The following CAMTA1 variants were observed in gnomAD, a reference collection of about 807,000 sequenced individuals.
The protein encoded by CAMTA1 is calmodulin-binding transcription activator 1.
In CAMTA1, 27 loss-of-function variants were observed where a neutral mutation model predicts 170.9. That is an observed-to-expected ratio of 0.16 (90% CI 0.12 to 0.22). The LOEUF (loss-of-function observed/expected upper bound fraction) is 0.22. Among genes scored for constraint, CAMTA1 ranks in the 10% least tolerant of loss-of-function variants. The pLI is 1.00. For synonymous variants in CAMTA1, 833 were observed against 891.5 expected (o/e 0.93, Z 1.17); for missense variants, 1,619 against 2,217.2 (o/e 0.73, Z 5.42).
intron 4 of CAMTA1, among the ~76,000 whole-genome samples, chr1:7,185,249 G>A (rs553623961): frequency 7.2e-5 from 11 of 152,284 alleles, no homozygotes; most frequent in African/African-American, 2.4e-4. Flanking sequence ...AGGCAATGAT[G>A]TCTCAGTAGT....
intron 5 of CAMTA1, among the ~76,000 whole-genome samples, chr1:7,371,543 A>G (rs1234690078): frequency 2.0e-5 from 3 of 152,206 alleles, no homozygotes; most frequent in Non-Finnish European, 4.4e-5. Context: ...TACAGGCATG[A>G]GCCACCATGC....
intron 6 of CAMTA1, among the ~76,000 whole-genome samples, chr1:7,612,223 G>A (rs1485897255): frequency 6.6e-6 from 1 of 152,194 alleles, no homozygotes; most frequent in Admixed American, 6.5e-5. Context: ...GTGGGGATTT[G>A]ATTGAGTGGT....
At chr1:7,579,405 C>T (rs994319668) in intron 6 of CAMTA1, among the ~76,000 whole-genome samples, 1 of 152,158 alleles carries the variant, frequency 6.6e-6, no homozygotes, top group East Asian at 1.9e-4. Context: ...CTCATGACAG[C>T]CCTCAGGTGC....
chr1:7,765,809 G>A (rs1309744617), intron 22 of CAMTA1, among the ~76,000 whole-genome samples: 2 of 152,094 alleles, frequency 1.3e-5, no homozygotes, highest in African/African-American at 2.4e-5. Flanking sequence ...GGCGGATCAC[G>A]AGGTCAGGAG....
In CAMTA1 at chr1:6,794,960, A is replaced by G. The variant is rs888105700; in HGVS notation, c.45+9385A>G. ...AAAATTCAGGAGCTTTCTTCTGGTC[A>G]CTGAGTTCCACCCCATATTATTCAG... On this transcript the variant is annotated intron_variant, in intron 1 of 22. Transcript: ENST00000303635. Among the ~76,000 whole-genome samples the G allele has an allele frequency of 4.7e-5, 7 of 147,472 alleles. No homozygotes were observed. The East Asian group carries it at 1.2e-3, about 25-fold the overall frequency.
intron 4 of CAMTA1, among the ~76,000 whole-genome samples, chr1:7,231,024 G>A (rs1662694435): frequency 6.6e-6 from 1 of 152,136 alleles, no homozygotes; most frequent in Non-Finnish European, 1.5e-5. Context: ...TGCATCCAAG[G>A]TGGAAGGAGG....
At chr1:6,983,240 T>C (rs182998184) in intron 3 of CAMTA1, among the ~76,000 whole-genome samples, 136 of 152,322 alleles carry the variant, frequency 8.9e-4, no homozygotes, top group Admixed American at 2.5e-3. Context: ...CTTGGTGCCA[T>C]GGTCTTAGAA....
rs531709310 is a variant in CAMTA1 at position 7,102,513 on chromosome 1, A to T, written c.302+11142A>T. On this transcript the variant is annotated intron_variant, in intron 4 of 22. Transcript: ENST00000303635. ...CAGCTGGTGCCTAGGCCGAGGGATC[A>T]GAGAAGTCAGCCCACTGTCAGGTCT... 3.3e-5 allele frequency among the ~76,000 whole-genome samples: 5 copies of T among 152,364 alleles called. No homozygotes were observed. The East Asian group carries it at 9.6e-4, about 29-fold the overall frequency.
chr1:6,851,903 A>G (rs963106994), intron 3 of CAMTA1, among the ~76,000 whole-genome samples: 2 of 151,800 alleles, frequency 1.3e-5, no homozygotes, highest in Non-Finnish European at 2.9e-5. Context: ...AATTCCAGCC[A>G]CTTGGGAGGC....
intron 6 of CAMTA1, among the ~76,000 whole-genome samples, chr1:7,475,436 T>C (rs934188068): frequency 6.6e-6 from 1 of 152,166 alleles, no homozygotes; most frequent in African/African-American, 2.4e-5. Flanking sequence ...AGGAAGCAAG[T>C]CGCTCCCTGA....
At chr1:7,501,353 C>A (rs535224409) in intron 6 of CAMTA1, among the ~76,000 whole-genome samples, 1 of 152,158 alleles carries the variant, frequency 6.6e-6, no homozygotes, top group South Asian at 2.1e-4. Flanking sequence ...CCTTTGTTCC[C>A]GGGATCTCCG....
At position 7,641,944 on chromosome 1, in the gene CAMTA1, GC is replaced by G. The variant is rs1265763516; in HGVS notation, c.664+1398del. ...CCCAAGCTCCTGAGCACAGCCTGCA[GC>G]CCCCCCACCCGCAGCCCCCGGCCTC... is the stretch of plus-strand genomic sequence containing the variant. On this transcript the variant is annotated intron_variant, in intron 7 of 22. Coordinates refer to ENST00000303635, the MANE Select transcript of CAMTA1 (RefSeq NM_015215.4). The surrounding 1 kb of genome is among the most constrained non-coding windows in gnomAD (Gnocchi z 4.5). Among the ~76,000 whole-genome samples, 3 of 152,018 alleles carry G rather than the reference GC, an allele frequency of 2.0e-5. No individual in the cohort carries two copies. In the East Asian group the frequency reaches 5.8e-4, roughly 29 times the overall value.
At chr1:6,841,068 T>C (rs1557674507) in intron 3 of CAMTA1, among the ~76,000 whole-genome samples, 1 of 152,056 alleles carries the variant, frequency 6.6e-6, no homozygotes, top group Non-Finnish European at 1.5e-5. Context: ...CCTTCTAGAG[T>C]CTGCTTAATG....
In CAMTA1 at chr1:7,426,246, G is replaced by T. The variant is rs1207888711; in HGVS notation, c.439-41584G>T. Among the ~76,000 whole-genome samples the T allele has an allele frequency of 6.6e-6, 1 of 152,172 alleles. No homozygotes were observed. Among genetic ancestry groups the T allele is most frequent in the Non-Finnish European group, 1.5e-5 (1 of 68,036 alleles). ...ATATCCAGGTGCCCAGGGCCAGAGA[G>T]AGCTGCACGGTCCGAAGCTCAGAGC... is the stretch of plus-strand genomic sequence containing the variant. On this transcript the variant is annotated intron_variant, in intron 5 of 22. Coordinates refer to ENST00000303635, the MANE Select transcript of CAMTA1 (RefSeq NM_015215.4). The surrounding 1 kb of genome is among the most constrained non-coding windows in gnomAD (Gnocchi z 4.8).
intron 4 of CAMTA1, among the ~76,000 whole-genome samples, chr1:7,204,591 A>C (rs1382098786): frequency 6.6e-6 from 1 of 152,066 alleles, no homozygotes. Context: ...TCTATCCTGG[A>C]TAATGTTTCA....
intron 4 of CAMTA1, among the ~76,000 whole-genome samples, chr1:7,170,981 T>C (rs1304579288): frequency 6.6e-6 from 1 of 152,216 alleles, no homozygotes. Flanking sequence ...TTGTTAATCA[T>C]GTTATTCAAA....
intron 5 of CAMTA1, among the ~76,000 whole-genome samples, chr1:7,462,018 G>T (rs2093101708): frequency 6.6e-6 from 1 of 152,246 alleles, no homozygotes; most frequent in East Asian, 1.9e-4. Flanking sequence ...CACTAGCAGT[G>T]ATTTAAAATT....
chr1:7,057,482 A>G (rs7553100), intron 3 of CAMTA1, among the ~76,000 whole-genome samples: 99,947 of 152,104 alleles, frequency 0.66, 33,044 homozygotes, highest in Non-Finnish European at 0.69. Flanking sequence ...CTGCAGTTCA[A>G]GTCACAGTCT....
chr1:6,978,095 G>A, intron 3 of CAMTA1, among the ~76,000 whole-genome samples: 1 of 152,128 alleles, frequency 6.6e-6, no homozygotes. Context: ...TCAGGGCGCT[G>A]GAGATTGGCT....
Sources: gnomAD v4.1 joint callset for allele counts (sites outside exome capture counted in the v4.1 genomes callset) on GRCh38, gnomAD v4.1.1 for gene constraint, Gnocchi (gnomAD v3.1) non-coding constraint, MANE v1.5 for transcripts, NCBI Gene and HGNC (gene_info 2026-07-23, HGNC 2026-07-21) for gene names.